Variants in DPP6 observed in about 807,000 individuals in gnomAD.
The protein encoded by DPP6 is dipeptidyl peptidase like 6.
DPP6 carries 69 observed loss-of-function variants against 122.6 expected under a neutral mutation model. That is an observed-to-expected ratio of 0.56 (90% CI 0.46 to 0.69). The LOEUF (loss-of-function observed/expected upper bound fraction) is 0.69. Among genes scored for constraint, DPP6 ranks in the 30% least tolerant of loss-of-function variants. The pLI, the probability that DPP6 is intolerant of heterozygous loss-of-function variation, is 0.00. For missense variants in DPP6, 928 were observed against 1,116.9 expected (o/e 0.83, Z 2.41); for synonymous variants, 418 against 433.1 (o/e 0.97, Z 0.43).
At chr7:154,396,966 T>A (rs1027807886) in intron 1 of DPP6, among the ~76,000 whole-genome samples, 1 of 152,144 alleles carries the variant, frequency 6.6e-6, no homozygotes, top group South Asian at 2.1e-4. Context: ...AAGTACTCTT[T>A]TTTTGCAGAG....
At chr7:153,936,753 G>A (rs1460210725) in intron 1 of DPP6, among the ~76,000 whole-genome samples, 1 of 151,988 alleles carries the variant, frequency 6.6e-6, no homozygotes, top group African/African-American at 2.4e-5. Context: ...GGAGCTTGCA[G>A]TGAGCCGAGA....
the DPP6 span, among the ~76,000 whole-genome samples, chr7:153,779,229 C>T: frequency 6.9e-6 from 1 of 145,438 alleles, no homozygotes; most frequent in Admixed American, 6.8e-5. Flanking sequence ...AGAACTGGGG[C>T]AGAGAAAATT....
At chr7:154,540,446 G>T (rs1828623603) in intron 3 of DPP6, 86 bp from the exon 4 acceptor site, 2 of 834,534 alleles carry the variant, frequency 2.4e-6, no homozygotes, top group South Asian at 3.0e-5. Context: ...CAGAACTAGT[G>T]ATTTTACTTT....
chr7:154,267,943 T>G (rs1803544556), intron 1 of DPP6, among the ~76,000 whole-genome samples: 1 of 149,210 alleles, frequency 6.7e-6, no homozygotes. Flanking sequence ...TGTATATATT[T>G]ATCCCTTATA....
intron 1 of DPP6, among the ~76,000 whole-genome samples, chr7:153,997,321 T>G (rs1317549949): frequency 6.6e-6 from 1 of 152,202 alleles, no homozygotes; most frequent in African/African-American, 2.4e-5. Context: ...CAAACTTTTC[T>G]GAGCCAAGGT....
intron 16 of DPP6, among the ~76,000 whole-genome samples, chr7:154,820,481 C>T (rs1799689414): frequency 6.6e-6 from 1 of 152,130 alleles, no homozygotes; most frequent in African/African-American, 2.4e-5. Context: ...CCCAGTTGCC[C>T]CCAAAAGCCT....
intron 4 of DPP6, among the ~76,000 whole-genome samples, chr7:154,560,510 A>G (rs991490459): frequency 6.6e-6 from 1 of 152,166 alleles, no homozygotes; most frequent in Non-Finnish European, 1.5e-5. Context: ...GGAGGATTTT[A>G]TATTTTGTTT....
chr7:153,910,633 CCT>C (rs1406589345), intron 1 of DPP6, among the ~76,000 whole-genome samples: 1 of 152,164 alleles, frequency 6.6e-6, no homozygotes, highest in Non-Finnish European at 1.5e-5. Context: ...CCAGACTTCA[CCT>C]CTCACGTGCC....
At chr7:153,827,106 A>G in the DPP6 span, among the ~76,000 whole-genome samples, 1 of 152,222 alleles carries the variant, frequency 6.6e-6, no homozygotes, top group Non-Finnish European at 1.5e-5. Context: ...AAGTTAAGTC[A>G]TTAAATGATA....
At chr7:154,011,413 T>C (rs1429188098) in intron 1 of DPP6, among the ~76,000 whole-genome samples, 1 of 152,220 alleles carries the variant, frequency 6.6e-6, no homozygotes, top group Non-Finnish European at 1.5e-5. Context: ...ACCCTGTCTT[T>C]GGGCCGTTCC....
At chr7:154,870,962 C>CAAAA (rs146259949) in intron 18 of DPP6, among the ~76,000 whole-genome samples, 3 of 99,064 alleles carry the variant, frequency 3.0e-5, no homozygotes, top group Admixed American at 1.0e-4. Flanking sequence ...GACTCCATCT[C>CAAAA]AAAAAAAAAA....
intron 2 of DPP6, among the ~76,000 whole-genome samples, chr7:154,470,506 G>A (rs1224847717): frequency 6.6e-6 from 1 of 152,120 alleles, no homozygotes; most frequent in Non-Finnish European, 1.5e-5. Flanking sequence ...GCTATGCTCG[G>A]GTGATGGGAT....
At chr7:153,778,299 T>C in the DPP6 span, among the ~76,000 whole-genome samples, 1 of 151,956 alleles carries the variant, frequency 6.6e-6, no homozygotes, top group Non-Finnish European at 1.5e-5. Context: ...TGTGAACTCA[T>C]GTTTTAAAAA....
At chr7:154,617,163 G>T (rs1208167065) in intron 5 of DPP6, among the ~76,000 whole-genome samples, 1 of 152,134 alleles carries the variant, frequency 6.6e-6, no homozygotes, top group Non-Finnish European at 1.5e-5. Context: ...CCTACAGAGG[G>T]CCCTGCACTT....
intron 1 of DPP6, among the ~76,000 whole-genome samples, chr7:154,363,918 G>T (rs1447009027): frequency 2.0e-5 from 3 of 152,056 alleles, no homozygotes; most frequent in Non-Finnish European, 4.4e-5. Flanking sequence ...TATTAATTGG[G>T]TAATTATTTA....
Position 154,755,076 on chromosome 7 carries a change from C to A in DPP6, c.884-14341C>A, listed in dbSNP as rs184163151. Among the ~76,000 whole-genome samples the A allele has an allele frequency of 3.3e-5, 5 of 150,616 alleles. No homozygotes were observed. The highest frequency in any genetic ancestry group is 9.8e-5 in the African/African-American group (4 of 40,814). On this transcript the variant is annotated intron_variant, in intron 8 of 25. Transcript: ENST00000377770. The surrounding 1 kb of genome is among the most constrained non-coding windows in gnomAD (Gnocchi z 4.7). ...GGTTGATAGATGCAGCAAACCACCA[C>A]GGCACATGTATACCTATGTAACAAA...
chr7:153,983,219 T>C (rs1448132208), intron 1 of DPP6, among the ~76,000 whole-genome samples: 5 of 152,242 alleles, frequency 3.3e-5, no homozygotes, highest in Admixed American at 3.3e-4. Flanking sequence ...CTGGGGCTGC[T>C]GCCTTTCTTT....
At chr7:153,885,971 C>T (rs1429990995), upstream of DPP6, among the ~76,000 whole-genome samples, 4 of 152,142 alleles carry the variant, frequency 2.6e-5, no homozygotes, top group Admixed American at 6.5e-5. Flanking sequence ...TCATCTACTT[C>T]TTCATGAGCT....
At chr7:153,957,600 G>A (rs1395747173) in intron 1 of DPP6, among the ~76,000 whole-genome samples, 1 of 152,192 alleles carries the variant, frequency 6.6e-6, no homozygotes, top group African/African-American at 2.4e-5. Flanking sequence ...GAAAGGACTT[G>A]CTTTATTTTA....
Sources: allele counts gnomAD v4.1 joint callset (sites outside exome capture counted in the v4.1 genomes callset), GRCh38; gene constraint gnomAD v4.1.1; non-coding constraint Gnocchi (gnomAD v3.1); transcripts MANE v1.5; gene names NCBI Gene and HGNC (gene_info 2026-07-23, HGNC 2026-07-21).